The following KCNH1 variants were observed in gnomAD, a reference collection of about 807,000 sequenced individuals.
KCNH1 encodes voltage-gated delayed rectifier potassium channel KCNH1.
A neutral mutation model predicts 69.2 loss-of-function variants in KCNH1; 27 were observed. The observed-to-expected ratio is 0.39, with a 90% confidence interval of 0.29 to 0.54. The LOEUF is 0.54. Ranked by LOEUF, KCNH1 falls within the 20% of genes least tolerant of loss-of-function variation. The probability of loss-of-function intolerance (pLI) is 0.68; values close to 1 mark genes in which losing one functional copy is unlikely to be tolerated. For synonymous variants in KCNH1, 456 were observed against 487.7 expected (o/e 0.93, Z 0.86); for missense variants, 798 against 1,261.6 (o/e 0.63, Z 5.57).
intron 7 of KCNH1, among the ~76,000 whole-genome samples, chr1:210,876,135 T>A (rs1038216411): frequency 6.6e-6 from 1 of 152,148 alleles, no homozygotes; most frequent in Non-Finnish European, 1.5e-5. Flanking sequence ...ATTTGAAAAT[T>A]CCAGCATAAG....
Position 211,058,300 on chromosome 1 carries a change from C to T in KCNH1, c.558+24480G>A, listed in dbSNP as rs115775747. 2.4e-3 allele frequency among the ~76,000 whole-genome samples: 368 copies of T among 152,094 alleles called. 2 individuals are homozygous for T. Among genetic ancestry groups the T allele is most frequent in the African/African-American group, 8.4e-3 (350 of 41,484 alleles). On this transcript the variant is annotated intron_variant, in intron 5 of 10. Coordinates refer to ENST00000271751, the MANE Select transcript of KCNH1 (RefSeq NM_172362.3). ...CAAAACTCACTGGTAATAGTAAGTA[C>T]ACAGAAAAGCACAGCATATTATAAC...
At chr1:211,015,989 G>A (rs536197140) in intron 6 of KCNH1, among the ~76,000 whole-genome samples, 31 of 152,288 alleles carry the variant, frequency 2.0e-4, no homozygotes, top group South Asian at 1.0e-3. Flanking sequence ...ATGACCAACA[G>A]GTGATAGTAA....
intron 6 of KCNH1, among the ~76,000 whole-genome samples, chr1:211,006,500 T>C (rs143161056): frequency 1.3e-5 from 2 of 152,176 alleles, no homozygotes; most frequent in African/African-American, 4.8e-5. Flanking sequence ...ATAGGCAAAA[T>C]AAAAACTCTA....
At chr1:210,927,901 G>A (rs958903712) in intron 6 of KCNH1, among the ~76,000 whole-genome samples, 5 of 152,036 alleles carry the variant, frequency 3.3e-5, no homozygotes, top group Non-Finnish European at 5.9e-5. Flanking sequence ...AAAATGAGCA[G>A]GAGTGGCTAT....
At chr1:210,856,877 C>CTA (rs150446990) in intron 7 of KCNH1, among the ~76,000 whole-genome samples, 28,197 of 101,560 alleles carry the variant, frequency 0.28, 4,392 homozygotes, top group African/African-American at 0.37. Context: ...ATATAACCCA[C>CTA]TATATATATA....
At chr1:210,964,354 T>C (rs1038423451) in intron 6 of KCNH1, among the ~76,000 whole-genome samples, 11 of 151,994 alleles carry the variant, frequency 7.2e-5, no homozygotes, top group East Asian at 1.9e-4. Context: ...TAAAGACCAT[T>C]GACACTATGA....
At chr1:210,896,695 G>A (rs534109152) in intron 7 of KCNH1, among the ~76,000 whole-genome samples, 7 of 152,092 alleles carry the variant, frequency 4.6e-5, no homozygotes, top group Non-Finnish European at 8.8e-5. Flanking sequence ...TCAGCGGAAA[G>A]TTTAGCTTTT....
At chr1:211,038,210 C>T (rs1306822127) in intron 5 of KCNH1, among the ~76,000 whole-genome samples, 1 of 152,170 alleles carries the variant, frequency 6.6e-6, no homozygotes, top group Non-Finnish European at 1.5e-5. Context: ...ATCTGCCCGC[C>T]TCAGCCTCCC....
At chr1:211,079,963 G>C (rs1690819896) in intron 5 of KCNH1, among the ~76,000 whole-genome samples, 1 of 152,184 alleles carries the variant, frequency 6.6e-6, no homozygotes, top group Admixed American at 6.5e-5. Flanking sequence ...GGAAGTTCTG[G>C]CCAGAGCAAT....
chr1:210,919,487 T>C lies in KCNH1; in HGVS notation c.1462+153A>G. The stretch of plus-strand genomic sequence containing the variant: ...TTTTTTTGCAGTAAGCATATACTGC[T>C]TTAATTATCAGGGTAACTGTAAGCC... On this transcript the variant is annotated intron_variant, in intron 7 of 10. Coordinates refer to ENST00000271751, the MANE Select transcript of KCNH1 (RefSeq NM_172362.3). The surrounding 1 kb of genome is among the most constrained non-coding windows in gnomAD (Gnocchi z 4.2). The C allele has an allele frequency of 2.6e-6, 2 of 775,846 alleles. No homozygotes were observed. Among genetic ancestry groups the C allele is most frequent in the Non-Finnish European group, 4.2e-6 (2 of 473,982 alleles). 48.1% of individuals were successfully genotyped at this position (775,846 alleles called of 1,614,324 possible).
At chr1:211,076,850 C>T (rs2102462245) in intron 5 of KCNH1, among the ~76,000 whole-genome samples, 1 of 152,254 alleles carries the variant, frequency 6.6e-6, no homozygotes, top group South Asian at 2.1e-4. Flanking sequence ...CGCAAGGAAG[C>T]TAAAACCTTG....
At chr1:210,832,907 C>CATATATATATATATATATATATAT (rs367619819) in intron 7 of KCNH1, among the ~76,000 whole-genome samples, 3,708 of 109,816 alleles carry the variant, frequency 0.034, 213 homozygotes, top group Non-Finnish European at 0.058. Flanking sequence ...TTCTCAAATA[C>CATATATATATATATATATATATAT]ATATATATAT....
At chr1:210,734,121 T>C (rs1890845) in intron 10 of KCNH1, among the ~76,000 whole-genome samples, 94,843 of 151,990 alleles carry the variant, frequency 0.62, 30,156 homozygotes, top group East Asian at 0.87. Flanking sequence ...CTTCAAAACT[T>C]AAAATTGACA....
chr1:211,080,374 A>C (rs1239721886), intron 5 of KCNH1, among the ~76,000 whole-genome samples: 1 of 152,204 alleles, frequency 6.6e-6, no homozygotes, highest in Non-Finnish European at 1.5e-5. Context: ...AAGCAATATC[A>C]TGAAAATGGC....
chr1:210,969,408 A>C (rs962887382), intron 6 of KCNH1, among the ~76,000 whole-genome samples: 1 of 152,090 alleles, frequency 6.6e-6, no homozygotes, highest in Non-Finnish European at 1.5e-5. Flanking sequence ...ACTCATCTAT[A>C]AAATCACCTG....
At chr1:210,882,322 T>C (rs1471559215) in intron 7 of KCNH1, among the ~76,000 whole-genome samples, 1 of 152,126 alleles carries the variant, frequency 6.6e-6, no homozygotes, top group Non-Finnish European at 1.5e-5. Flanking sequence ...CAAATGGAGA[T>C]TGAGCAAGGG....
intron 6 of KCNH1, among the ~76,000 whole-genome samples, chr1:210,964,814 GC>G (rs1283223567): frequency 6.6e-6 from 1 of 151,950 alleles, no homozygotes; most frequent in Non-Finnish European, 1.5e-5. Flanking sequence ...AAAATTTCAG[GC>G]CAATATCCCT....
At chr1:210,877,944 A>G (rs893711219) in intron 7 of KCNH1, among the ~76,000 whole-genome samples, 2 of 152,202 alleles carry the variant, frequency 1.3e-5, no homozygotes, top group Non-Finnish European at 2.9e-5. Flanking sequence ...CATAAATAAC[A>G]AAGTCACCTA....
intron 5 of KCNH1, among the ~76,000 whole-genome samples, chr1:211,057,555 C>G (rs956798444): frequency 5.3e-5 from 8 of 152,098 alleles, no homozygotes; most frequent in African/African-American, 1.9e-4. Context: ...GAGAGGATCG[C>G]TCGAGCCCAG....
Sources: allele counts gnomAD v4.1 joint callset (sites outside exome capture counted in the v4.1 genomes callset), GRCh38; gene constraint gnomAD v4.1.1; non-coding constraint Gnocchi (gnomAD v3.1); transcripts MANE v1.5; gene names NCBI Gene and HGNC (gene_info 2026-07-23, HGNC 2026-07-21).